TP73: variants seen among roughly 807,000 people sequenced by gnomAD.
TP73 encodes tumor protein p73.
Under a neutral mutation model 62.5 loss-of-function variants are expected in TP73, and 25 were observed. The observed-to-expected ratio is 0.40, with a 90% CI of 0.29 to 0.56. TP73 has a LOEUF of 0.56. Ranked by LOEUF, TP73 falls within the 20% of genes least tolerant of loss-of-function variation. The pLI, the probability that TP73 is intolerant of heterozygous loss-of-function variation, is 0.46. For synonymous variants in TP73, 423 were observed against 377.5 expected (o/e 1.12, Z -1.40); for missense variants, 754 against 913.3 (o/e 0.83, Z 2.25).
chr1:3,698,474 G>A (rs879670067), intron 3 of TP73, among the ~76,000 whole-genome samples: 1 of 152,238 alleles, frequency 6.6e-6, no homozygotes, highest in Non-Finnish European at 1.5e-5. Flanking sequence ...CAGGGTCCAG[G>A]CTGCCCCTCG....
At chr1:3,661,415 A>T (rs370706318) in intron 1 of TP73, among the ~76,000 whole-genome samples, 6 of 151,990 alleles carry the variant, frequency 3.9e-5, no homozygotes, top group African/African-American at 1.2e-4. Flanking sequence ...AGTTTAAAAT[A>T]CTCTTAGATC....
chr1:3,736,093 A>G lies in TP73; in HGVS notation c.*3014A>G, dbSNP rs770660768. The G allele has an allele frequency of 6.6e-6, 1 of 152,262 alleles. No homozygotes were observed. The highest frequency in any genetic ancestry group is 6.5e-5 in the Admixed American group (1 of 15,288). 9.4% of individuals were successfully genotyped at this position (152,262 alleles called of 1,614,324 possible). A position where few individuals can be genotyped will look rare whatever the true frequency, so the allele number is the denominator to read the frequency against. On this transcript the variant is annotated 3_prime_UTR_variant, in exon 14 of 14. Transcript: ENST00000378295. Reference sequence around the variant, plus strand: ...GTATTAATGGACGCCCTCCAATGACATAACAACTGTTTTTGGTAATGTAAT... The same window carrying G: ...GTATTAATGGACGCCCTCCAATGACGTAACAACTGTTTTTGGTAATGTAAT...
chr1:3,654,508 T>C (rs949362690), intron 1 of TP73, among the ~76,000 whole-genome samples: 3 of 152,238 alleles, frequency 2.0e-5, no homozygotes, highest in African/African-American at 7.2e-5. Flanking sequence ...ACTTAACCAC[T>C]TGGAGCCTCA....
chr1:3,701,508 T>C lies in TP73; in HGVS notation c.187-6041T>C. On this transcript the variant is annotated intron_variant, in intron 3 of 13. Coordinates refer to ENST00000378295, the MANE Select transcript of TP73 (RefSeq NM_005427.4). The surrounding 1 kb of genome is among the most constrained non-coding windows in gnomAD (Gnocchi z 4.7). ...TCCTACGAAGTCCACGTTGATTTCT[T>C]TTTTGGTTTTTTTCGAGACAGAGTC... 6.6e-6 allele frequency among the ~76,000 whole-genome samples: 1 copy of C among 152,212 alleles called. No individual in the cohort carries two copies. The highest frequency in any genetic ancestry group is 2.1e-4 in the South Asian group (1 of 4,812).
At position 3,696,289 on chromosome 1, in the gene TP73, A is replaced by C. The variant is rs1402029995; in HGVS notation, c.187-11260A>C. Among the ~76,000 whole-genome samples the C allele has an allele frequency of 1.3e-5, 2 of 152,094 alleles. No homozygotes were observed. The highest frequency in any genetic ancestry group is 4.8e-5 in the African/African-American group (2 of 41,410). ...GCTGAGGTTCCATTTGCACCCTTGC[A>C]GGAGGCTCTGCTGCTCCCCAAGGCA... On this transcript the variant is annotated intron_variant, in intron 3 of 13. Transcript: ENST00000378295. This position sits in a 1 kb window ranked among gnomAD's most constrained non-coding sequence, Gnocchi z 4.1.
chr1:3,726,901 C>CGATGGATGGATG (rs57315521), intron 6 of TP73, among the ~76,000 whole-genome samples: 80 of 147,578 alleles, frequency 5.4e-4, no homozygotes, highest in African/African-American at 1.9e-3. Flanking sequence ...TAAATGGGTT[C>CGATGGATGGATG]GATGGATGGA....
intron 4 of TP73, among the ~76,000 whole-genome samples, chr1:3,721,241 G>A (rs1570600004): frequency 6.6e-6 from 1 of 152,246 alleles, no homozygotes; most frequent in East Asian, 1.9e-4. Context: ...GCCTCTGCAG[G>A]GGCTGGCTCA....
chr1:3,729,000 G>C (rs1641904835), intron 9 of TP73, among the ~76,000 whole-genome samples: 1 of 152,050 alleles, frequency 6.6e-6, no homozygotes, highest in Admixed American at 6.6e-5. Context: ...GAAAGAGAGA[G>C]AGAGAGACAG....
chr1:3,698,961 G>A (rs536285680), intron 3 of TP73, among the ~76,000 whole-genome samples: 1 of 152,270 alleles, frequency 6.6e-6, no homozygotes, highest in East Asian at 1.9e-4. Context: ...GCGTTTCTCC[G>A]GTGTGAGGTG....
At chr1:3,729,621 A>C in intron 10 of TP73, 173 bp downstream of exon 10, 1 of 1,224,872 alleles carries the variant, frequency 8.2e-7, no homozygotes, top group South Asian at 1.2e-5. Flanking sequence ...GCCTTCTAGC[A>C]CTTGGGGCTG....
At chr1:3,729,297 G>A (rs748690721) in intron 9 of TP73, 30 bp from the exon 10 acceptor site, 7 of 1,612,498 alleles carry the variant, frequency 4.3e-6, no homozygotes, top group African/African-American at 2.7e-5. Context: ...TCTGGGGCAC[G>A]TGGGCAGAGA....
At chr1:3,724,512 G>T (rs567769360) in intron 6 of TP73, among the ~76,000 whole-genome samples, 1 of 152,292 alleles carries the variant, frequency 6.6e-6, no homozygotes, top group South Asian at 2.1e-4. Context: ...AGCAGAACCA[G>T]GGCCCGGGAG....
intron 3 of TP73, among the ~76,000 whole-genome samples, chr1:3,691,402 G>A (rs1645825267): frequency 6.6e-6 from 1 of 152,080 alleles, no homozygotes; most frequent in Non-Finnish European, 1.5e-5. Flanking sequence ...CCTCATCAGG[G>A]AATTTGCTCA....
At chr1:3,685,299 G>A (rs1645623907) in intron 3 of TP73, among the ~76,000 whole-genome samples, 1 of 152,134 alleles carries the variant, frequency 6.6e-6, no homozygotes, top group Non-Finnish European at 1.5e-5. Context: ...TCGGGGTCTG[G>A]TCCGAGCCCC....
intron 1 of TP73, among the ~76,000 whole-genome samples, chr1:3,661,751 C>T (rs1885863): frequency 0.81 from 117,588 of 144,652 alleles, 48,021 homozygotes; most frequent in African/African-American, 0.89. Context: ...ATATGTATTA[C>T]ATATATACAT....
At chr1:3,675,008 C>T (rs1645333816) in intron 1 of TP73, among the ~76,000 whole-genome samples, 1 of 150,638 alleles carries the variant, frequency 6.6e-6, no homozygotes, top group African/African-American at 2.5e-5. Context: ...CCACAATGGC[C>T]CAGGTGTCTC....
rs1638661663 is a variant in TP73 at position 3,696,389 on chromosome 1, A to G, written c.187-11160A>G. On this transcript the variant is annotated intron_variant, in intron 3 of 13. Coordinates refer to ENST00000378295, the MANE Select transcript of TP73 (RefSeq NM_005427.4). The surrounding 1 kb of genome is among the most constrained non-coding windows in gnomAD (Gnocchi z 4.1). ...CACTGGCAGGAGCGGCCATGTGGAC[A>G]CTCAGTTGCTGGTGTGGGCAGGCAG... is the stretch of plus-strand genomic sequence containing the variant. Among the ~76,000 whole-genome samples the G allele has an allele frequency of 6.6e-6, 1 of 151,910 alleles. No individual in the cohort carries two copies. Among genetic ancestry groups the G allele is most frequent in the South Asian group, 2.1e-4 (1 of 4,812 alleles).
intron 3 of TP73, among the ~76,000 whole-genome samples, chr1:3,698,864 G>A (rs11580811): frequency 0.29 from 43,581 of 152,172 alleles, 7,697 homozygotes; most frequent in Non-Finnish European, 0.38. Flanking sequence ...GGGCTCAGCC[G>A]CTGCGGGCAG....
At position 3,718,320 on chromosome 1, in the gene TP73, C is replaced by T. The variant is rs148855238; in HGVS notation, c.430-3701C>T. Among the ~76,000 whole-genome samples, 1,087 of 152,348 alleles carry T rather than the reference C, an allele frequency of 7.1e-3. 4 individuals carry two copies. Among genetic ancestry groups the T allele is most frequent in the Non-Finnish European group, 0.012 (809 of 68,020 alleles). On this transcript the variant is annotated intron_variant, in intron 4 of 13. Coordinates refer to ENST00000378295, the MANE Select transcript of TP73 (RefSeq NM_005427.4). ...TGCAGAGACGGGAGCACGCACTGGG[C>T]CCTGCACCCACTTCGTAGCGCCCTG...
Sources: gnomAD v4.1 joint callset for allele counts (sites outside exome capture counted in the v4.1 genomes callset) on GRCh38, gnomAD v4.1.1 for gene constraint, Gnocchi (gnomAD v3.1) non-coding constraint, MANE v1.5 for transcripts, NCBI Gene and HGNC (gene_info 2026-07-23, HGNC 2026-07-21) for gene names.